ZNF765: variants seen among roughly 807,000 people sequenced by gnomAD.
The protein encoded by ZNF765 is zinc finger protein 765.
ZNF765 carries 37 observed loss-of-function variants against 44.7 expected under a neutral mutation model. The ratio of observed to expected loss-of-function variants is 0.83; its 90% CI spans 0.64 to 1.09. The LOEUF (loss-of-function observed/expected upper bound fraction) is 1.09, where lower values mean the gene tolerates loss of function less well. ZNF765 is among the 50% of genes least tolerant of loss of function. The probability of loss-of-function intolerance (pLI) is 0.00; values close to 1 mark genes in which losing one functional copy is unlikely to be tolerated. For synonymous variants in ZNF765, 201 were observed against 213.7 expected, an observed-to-expected ratio of 0.94 and a Z score of 0.52; for missense variants, 594 against 626.1, an observed-to-expected ratio of 0.95 and a Z score of 0.55.
At position 53,408,377 on chromosome 19, in the gene ZNF765, T is replaced by C; in HGVS notation, c.822T>C (p.Asn274=). 1 of 1,614,194 alleles carries C rather than the reference T, an allele frequency of 6.2e-7. No homozygotes were observed. Among genetic ancestry groups the C allele is most frequent in the Non-Finnish European group, 8.5e-7 (1 of 1,180,002 alleles). Residue 274 remains asparagine (N), a synonymous_variant, in exon 4 of 4, where the codon AAT becomes AAC. Transcript: ENST00000396408. ...CHTGEKPYKC[N]ECGKTFSQTY... Reference sequence around the variant, plus strand: ...CTGGTGAGAAACCTTACAAGTGTAATGAGTGTGGCAAGACCTTCAGTCAGA... The same window carrying C: ...CTGGTGAGAAACCTTACAAGTGTAACGAGTGTGGCAAGACCTTCAGTCAGA...
chr19:53,417,345 A>G (rs1044176502), intron 3 of ZNF765, among the ~76,000 whole-genome samples: 2 of 151,988 alleles, frequency 1.3e-5, no homozygotes, highest in Admixed American at 6.6e-5. Context: ...TCTTCTCATC[A>G]TTTACCTCCC....
intron 3 of ZNF765, among the ~76,000 whole-genome samples, chr19:53,406,144 T>C (rs1338632812): frequency 6.7e-6 from 1 of 150,264 alleles, no homozygotes; most frequent in Admixed American, 6.7e-5. Flanking sequence ...TTCTCCTGCC[T>C]CAGCCTTCCA....
intron 2 of ZNF765, among the ~76,000 whole-genome samples, chr19:53,400,135 T>C (rs146532036): frequency 2.0e-4 from 31 of 152,246 alleles, no homozygotes; most frequent in Admixed American, 7.8e-4. Flanking sequence ...TTTTCTAGTC[T>C]TCTCCTTCCT....
At chr19:53,413,599 G>A (rs1239331202), downstream of ZNF765, among the ~76,000 whole-genome samples, 1 of 65,286 alleles carries the variant, frequency 1.5e-5, no homozygotes, top group Non-Finnish European at 3.8e-5. Flanking sequence ...TTGCTTTTTA[G>A]GTTTTTTTTT....
chr19:53,406,889 G>A (rs1338193963), intron 3 of ZNF765, among the ~76,000 whole-genome samples: 6 of 152,054 alleles, frequency 3.9e-5, no homozygotes, highest in African/African-American at 1.2e-4. Flanking sequence ...AACTCCAGGC[G>A]GTTGTGACAG....
At chr19:53,398,455 T>A (rs112534023) in intron 2 of ZNF765, among the ~76,000 whole-genome samples, 1 of 152,180 alleles carries the variant, frequency 6.6e-6, no homozygotes, top group South Asian at 2.1e-4. Flanking sequence ...TATGGAGCAA[T>A]TTTTTCTGCC....
At chr19:53,395,666 G>C (rs7249332) in intron 1 of ZNF765, among the ~76,000 whole-genome samples, 12,213 of 152,232 alleles carry the variant, frequency 0.08, 642 homozygotes, top group African/African-American at 0.14. Context: ...CTCCTTTTGC[G>C]GGCCCTACTG....
intron 3 of ZNF765, among the ~76,000 whole-genome samples, chr19:53,403,557 C>T (rs1433376703): frequency 6.6e-6 from 1 of 152,124 alleles, no homozygotes. Flanking sequence ...CAGGCTCAAA[C>T]AATTTTTGTG....
intron 2 of ZNF765, among the ~76,000 whole-genome samples, chr19:53,401,453 C>T (rs1281333631): frequency 6.6e-6 from 1 of 152,014 alleles, no homozygotes; most frequent in Non-Finnish European, 1.5e-5. Flanking sequence ...GTCCCAGCTA[C>T]TCGGGAGGCT....
In ZNF765 at chr19:53,407,776, C is replaced by T. The variant is rs752763093; in HGVS notation, c.221C>T (p.Ser74Phe). The change falls in exon 4 of 4, where the codon TCT becomes TTT. Residue 74 changes from serine (S) to phenylalanine (F), a missense_variant. By Grantham distance (155) the Ser-to-Phe change is radical (BLOSUM62 -2). This residue lies in a region of ZNF765 where 567 missense variants were observed against 572.6 expected (regional missense o/e 0.99). Transcript: ENST00000396408. ...AGAGAAGTGTTCCATGCAGGGACAT[C>T]TCAAAGACATGAAAGTCATCACAAT... ...GNREVFHAGT[S>F]QRHESHHNGD... The T allele has an allele frequency of 1.9e-6, 3 of 1,610,440 alleles. No homozygotes were observed. Among genetic ancestry groups the T allele is most frequent in the Admixed American group, 1.7e-5 (1 of 59,622 alleles).
Position 53,402,192 on chromosome 19 carries a change from G to T in ZNF765, c.142+1G>T, listed in dbSNP as rs772405918. The T allele has an allele frequency of 3.1e-6, 5 of 1,612,528 alleles. No homozygotes were observed. The Admixed American group carries it at 8.4e-5, about 27-fold the overall frequency. ...AATTATAGGAACCTGGTCTCCCTGG[G>T]TGAGGATGACTTCCCTCCTGGGGAT... On this transcript the variant is annotated splice_donor_variant, in intron 3 of 3. Transcript: ENST00000396408. LOFTEE classifies it high-confidence loss of function.
At chr19:53,397,095 T>C (rs1206035804) in intron 1 of ZNF765, among the ~76,000 whole-genome samples, 1 of 152,186 alleles carries the variant, frequency 6.6e-6, no homozygotes, top group African/African-American at 2.4e-5. Context: ...GACTCGGGAG[T>C]CTACTTTGTC....
chr19:53,413,127 AG>A (rs1255209330), downstream of ZNF765: 15 of 460,376 alleles, frequency 3.3e-5, no homozygotes, highest in Non-Finnish European at 4.9e-5. Context: ...AAAAAAAAAA[AG>A]ATGTCAAGCC....
In ZNF765 at chr19:53,410,298, C is replaced by A; in HGVS notation, c.*1171C>A. The A allele has an allele frequency of 8.4e-6, 3 of 356,490 alleles. No individual in the cohort carries two copies. The highest frequency in any genetic ancestry group is 2.4e-5 in the South Asian group (1 of 40,940). The allele number at this position is 356,490 out of a possible 1,614,324, so 22.1% of individuals were successfully genotyped here. A position where few individuals can be genotyped will look rare whatever the true frequency, so the allele number is the denominator to read the frequency against. Reference sequence around the variant, plus strand: ...ACAAAGTTTACAGTCGCAAATCAAGCCTCCAAAGACAGGAGAATTCATACT... The same window carrying A: ...ACAAAGTTTACAGTCGCAAATCAAGACTCCAAAGACAGGAGAATTCATACT... On this transcript the variant is annotated 3_prime_UTR_variant, in exon 4 of 4. Coordinates refer to ENST00000396408, the MANE Select transcript of ZNF765 (RefSeq NM_001040185.3).
At chr19:53,414,240 C>CAAAA (rs754534125), downstream of ZNF765, among the ~76,000 whole-genome samples, 20 of 77,990 alleles carry the variant, frequency 2.6e-4, 8 homozygotes, top group Admixed American at 1.2e-3. Flanking sequence ...GACTCCATCT[C>CAAAA]AAAAAAAAAA....
chr19:53,398,219 G>A (rs1370521683), intron 2 of ZNF765, among the ~76,000 whole-genome samples, 189 bp downstream of exon 2: 1 of 152,180 alleles, frequency 6.6e-6, no homozygotes, highest in African/African-American at 2.4e-5. Context: ...ATGAACTTGG[G>A]AAGAGGCTGC....
chr19:53,399,708 G>A (rs1267562499), intron 2 of ZNF765, among the ~76,000 whole-genome samples: 3 of 151,894 alleles, frequency 2.0e-5, no homozygotes, highest in East Asian at 1.9e-4. Flanking sequence ...TTACGTTTGG[G>A]GCCATATGTT....
At position 53,408,117 on chromosome 19, in the gene ZNF765, A is replaced by G; in HGVS notation, c.562A>G (p.Ile188Val). 2 of 1,614,082 alleles carry G rather than the reference A, an allele frequency of 1.2e-6. No homozygotes were observed. The highest frequency in any genetic ancestry group is 1.1e-5 in the South Asian group (1 of 91,082). ...AATTTCTTGTAGGCCTGAAACCCAT[A>G]TTTCTAATGACTATGGGAATAATTT... ...QRISCRPETH[I>V]SNDYGNNFLN... The change falls in exon 4 of 4, where the codon ATT (isoleucine) becomes GTT (valine). Residue 188 changes from isoleucine to valine, a missense_variant. Physicochemically the swap from Ile to Val is conservative, Grantham distance 29 (BLOSUM62 3). Coordinates refer to ENST00000396408, the MANE Select transcript of ZNF765 (RefSeq NM_001040185.3).
downstream of ZNF765, among the ~76,000 whole-genome samples, chr19:53,414,481 ACACACACACCCCCCCCCCCC>A (rs1568786063): frequency 4.6e-3 from 8 of 1,732 alleles, 1 homozygote; most frequent in East Asian, 0.028. Flanking sequence ...ACACACACAC[ACACACACACCCCCCCCCCCC>A]CCCCCCCCGG....
Sources: gnomAD v4.1 joint callset for allele counts (sites outside exome capture counted in the v4.1 genomes callset) on GRCh38, gnomAD v4.1.1 for gene constraint, gnomAD v4.1.1 regional missense constraint, MANE v1.5 for transcripts, NCBI Gene and HGNC (gene_info 2026-07-23, HGNC 2026-07-21) for gene names.